Variants in RCL1 observed in about 807,000 individuals in gnomAD.
RCL1 encodes the protein RNA terminal phosphate cyclase like 1, also known as RNA 3'-terminal phosphate cyclase-like protein.
A neutral mutation model predicts 42.4 loss-of-function variants in RCL1; 24 were observed. That is an observed-to-expected ratio of 0.57 (90% confidence interval 0.41 to 0.80). The LOEUF (loss-of-function observed/expected upper bound fraction) is 0.80, where lower values mean the gene tolerates loss of function less well. Ranked by LOEUF, RCL1 falls within the 30% of genes least tolerant of loss-of-function variation. RCL1 has a pLI of 0.00. For missense variants in RCL1, 578 were observed against 467.9 expected (o/e 1.24, Z -2.17); for synonymous variants, 228 against 177.3 (o/e 1.29, Z -2.27).
chr9:4,804,620 T>A (rs1843067722), intron 1 of RCL1: 1 of 152,898 alleles, frequency 6.5e-6, no homozygotes, highest in African/African-American at 2.4e-5. Flanking sequence ...CACTCCCGGC[T>A]GTAGAGGAGG....
rs183047670 is a variant in RCL1, at chr9:4,849,374, G to T, written c.868-73G>T. On this transcript the variant is annotated intron_variant, in intron 7 of 8. Coordinates refer to ENST00000381750, the MANE Select transcript of RCL1 (RefSeq NM_005772.5). ...TTGATATTATGAGTGTATGTTTCTG[G>T]TTTTTTTTTTCCTCCTCTCTTTTGT... 6.9e-4 allele frequency: 715 copies of T among 1,033,846 alleles called. 5 individuals are homozygous for T. In the African/African-American group the frequency reaches 9.4e-3, roughly 14 times the overall value. The allele number at this position is 1,033,846 out of a possible 1,614,324, so 64.0% of individuals were successfully genotyped here.
In RCL1 at chr9:4,841,273, T is replaced by G; in HGVS notation, c.626T>G (p.Val209Gly). 1 of 1,613,458 alleles carries G rather than the reference T, an allele frequency of 6.2e-7. No individual in the cohort carries two copies. Among genetic ancestry groups the G allele is most frequent in the Non-Finnish European group, 8.5e-7 (1 of 1,179,376 alleles). Reference protein sequence around the residue: ...RVSPQMANRIVDSARSILNKF... With the variant: ...RVSPQMANRIGDSARSILNKF... The stretch of plus-strand genomic sequence containing the variant: ...TCACCTCAGATGGCGAACCGGATTG[T>G]GGATTCTGCAAGGAGCATCCTCAAC... The change falls in exon 6 of 9, where the codon GTG becomes GGG. Residue 209 changes from valine (V) to glycine (G), a missense_variant. By Grantham distance (109) the Val-to-Gly change is moderately radical. Coordinates refer to ENST00000381750, the MANE Select transcript of RCL1 (RefSeq NM_005772.5).
chr9:4,814,561 T>G (rs554931284), intron 1 of RCL1, among the ~76,000 whole-genome samples: 2 of 152,312 alleles, frequency 1.3e-5, no homozygotes, highest in East Asian at 3.9e-4. Context: ...GCCACAGTAC[T>G]TAGCCTCCTG....
At chr9:4,834,762 A>G (rs1468989178) in intron 5 of RCL1, among the ~76,000 whole-genome samples, 1 of 152,164 alleles carries the variant, frequency 6.6e-6, no homozygotes, top group Admixed American at 6.5e-5. Flanking sequence ...ACTATTAAGT[A>G]TTTACTCTGC....
At chr9:4,837,057 G>A (rs1425422461) in intron 5 of RCL1, among the ~76,000 whole-genome samples, 1 of 152,102 alleles carries the variant, frequency 6.6e-6, no homozygotes, top group Non-Finnish European at 1.5e-5. Context: ...CATTGCCCAG[G>A]TGACTTTCTA....
chr9:4,850,427 G>T, intron 8 of RCL1: 1 of 422,654 alleles, frequency 2.4e-6, no homozygotes. Flanking sequence ...TGCACCCTTG[G>T]GCCATGGCGT....
rs1818119708 is a variant in RCL1 at position 4,860,163 on chromosome 9, T to A, written c.1010T>A (p.Ile337Asn). The A allele has an allele frequency of 6.2e-7, 1 of 1,607,818 alleles. No individual in the cohort carries two copies. The change falls in exon 9 of 9, where the codon ATT (isoleucine) becomes AAT (asparagine). Residue 337 changes from isoleucine to asparagine, a missense_variant. Physicochemically the swap from Ile to Asn is moderately radical, Grantham distance 149 (BLOSUM62 -3). Transcript: ENST00000381750. Reference sequence around the variant, plus strand: ...CGGCATTTGAAGAGCTTTTTCCAGATTATGTTTAAAATTGAAACCAAGCCA... The same window carrying A: ...CGGCATTTGAAGAGCTTTTTCCAGAATATGTTTAAAATTGAAACCAAGCCA... ...FLRHLKSFFQ[I>N]MFKIETKPCG...
intron 3 of RCL1, among the ~76,000 whole-genome samples, chr9:4,832,230 C>G (rs556618160): frequency 6.6e-6 from 1 of 152,280 alleles, no homozygotes; most frequent in African/African-American, 2.4e-5. Flanking sequence ...CAAAGTCTTG[C>G]CATTAACTAT....
chr9:4,850,916 C>A (rs1190647802), intron 8 of RCL1, among the ~76,000 whole-genome samples: 1 of 152,124 alleles, frequency 6.6e-6, no homozygotes, highest in East Asian at 1.9e-4. Context: ...CCTGCTTGCA[C>A]ACACGGTATG....
intron 5 of RCL1, among the ~76,000 whole-genome samples, chr9:4,838,738 C>T (rs1257787769): frequency 1.3e-5 from 2 of 152,134 alleles, no homozygotes; most frequent in East Asian, 1.9e-4. Context: ...GTTCATAAAC[C>T]TGAAAAATTT....
intron 1 of RCL1, among the ~76,000 whole-genome samples, chr9:4,795,086 C>CT (rs5896093): frequency 0.23 from 34,560 of 151,140 alleles, 4,058 homozygotes; most frequent in South Asian, 0.35. Context: ...TAATTTCTTT[C>CT]TTTTTTTTTG....
chr9:4,808,101 C>A (rs894891788), intron 1 of RCL1, among the ~76,000 whole-genome samples: 4 of 151,862 alleles, frequency 2.6e-5, no homozygotes, highest in African/African-American at 9.7e-5. Context: ...CTTCTTTGTC[C>A]TTGCTGATTT....
intron 5 of RCL1, among the ~76,000 whole-genome samples, chr9:4,840,761 T>C (rs547398012): frequency 8.5e-5 from 13 of 152,282 alleles, no homozygotes; most frequent in African/African-American, 2.2e-4. Context: ...AGGAGTCAGA[T>C]TGGGATCGCC....
At chr9:4,812,318 G>A (rs1816208742) in intron 1 of RCL1, among the ~76,000 whole-genome samples, 1 of 147,282 alleles carries the variant, frequency 6.8e-6, no homozygotes. Context: ...CATAGTATTG[G>A]ATCTTACATT....
chr9:4,831,077 G>A (rs1816927003), intron 3 of RCL1, among the ~76,000 whole-genome samples: 1 of 152,268 alleles, frequency 6.6e-6, no homozygotes, highest in East Asian at 1.9e-4. Flanking sequence ...GAATTGTCTA[G>A]GGTCTAACAG....
At chr9:4,848,461 C>T (rs563823173) in intron 7 of RCL1, among the ~76,000 whole-genome samples, 1 of 152,306 alleles carries the variant, frequency 6.6e-6, no homozygotes, top group Non-Finnish European at 1.5e-5. Context: ...GAGGCAGGGG[C>T]AGTTGTAGCC....
At chr9:4,836,417 C>G (rs1399643011) in intron 5 of RCL1, among the ~76,000 whole-genome samples, 1 of 152,072 alleles carries the variant, frequency 6.6e-6, no homozygotes, top group Admixed American at 6.6e-5. Flanking sequence ...CTTTAACAGG[C>G]TTAAAGATCA....
At chr9:4,849,761 C>G (rs1817660460) in intron 8 of RCL1, among the ~76,000 whole-genome samples, 1 of 152,190 alleles carries the variant, frequency 6.6e-6, no homozygotes, top group African/African-American at 2.4e-5. Flanking sequence ...TCCCAGGTAA[C>G]TGAAATTGCA....
chr9:4,796,775 T>C (rs965837651), intron 1 of RCL1, among the ~76,000 whole-genome samples: 3 of 152,182 alleles, frequency 2.0e-5, no homozygotes, highest in Non-Finnish European at 2.9e-5. Context: ...TAGTCAACCA[T>C]TGGTGGACAC....
Sources: gnomAD v4.1 joint callset for allele counts (sites outside exome capture counted in the v4.1 genomes callset) on GRCh38, gnomAD v4.1.1 for gene constraint, MANE v1.5 for transcripts, NCBI Gene and HGNC (gene_info 2026-07-23, HGNC 2026-07-21) for gene names.